Variants in NLRP2 observed in about 807,000 individuals in gnomAD.
NLRP2 encodes NACHT, LRR and PYD domains-containing protein 2.
A neutral mutation model predicts 97.2 loss-of-function variants in NLRP2; 107 were observed. The ratio of observed to expected loss-of-function variants is 1.10; its 90% CI spans 0.94 to 1.29. NLRP2 has a LOEUF of 1.29. Among genes scored for constraint, NLRP2 ranks in the 50% most tolerant of loss-of-function variants. The pLI is 0.00. For missense variants in NLRP2, 1,495 were observed against 1,330.3 expected (o/e 1.12, Z -1.93); for synonymous variants, 663 against 551.5 (o/e 1.20, Z -2.83).
Position 54,983,347 on chromosome 19 carries a change from T to C in NLRP2, c.1649T>C (p.Leu550Pro). 1.2e-6 allele frequency: 2 copies of C among 1,614,190 alleles called. No homozygotes were observed. The highest frequency in any genetic ancestry group is 1.7e-6 in the Non-Finnish European group (2 of 1,180,022). Residue 550 changes from leucine to proline, a missense_variant, in exon 6 of 13, where the codon CTG (leucine) becomes CCG (proline). Physicochemically the swap from Leu to Pro is moderately conservative, Grantham distance 98. Coordinates refer to ENST00000448584, the MANE Select transcript of NLRP2 (RefSeq NM_017852.5). ...GTAGAAAGACTCAGGAACCCCGACC[T>C]GATCCAAGCAGGCTACTACTCCTTT... is the stretch of plus-strand genomic sequence containing the variant. ...SGVERLRNPD[L>P]IQAGYYSFGL...
At chr19:54,987,267 C>G (rs1365272489) in intron 8 of NLRP2, among the ~76,000 whole-genome samples, 1 of 151,964 alleles carries the variant, frequency 6.6e-6, no homozygotes, top group East Asian at 1.9e-4. Context: ...ATTCAGAATA[C>G]CAGCTATTGA....
Position 54,983,364 on chromosome 19 carries a change from T to G in NLRP2, c.1666T>G (p.Tyr556Asp). 6.2e-7 allele frequency: 1 copy of G among 1,614,222 alleles called. No homozygotes were observed. Among genetic ancestry groups the G allele is most frequent in the Non-Finnish European group, 8.5e-7 (1 of 1,180,040 alleles). ...CCCCGACCTGATCCAAGCAGGCTAC[T>G]ACTCCTTTGGCCTCGCTAACGAGAA... is the stretch of plus-strand genomic sequence containing the variant. ...RNPDLIQAGY[Y>D]SFGLANEKRA... The change falls in exon 6 of 13, where the codon TAC becomes GAC. Residue 556 changes from tyrosine (Y) to aspartate (D), a missense_variant. Physicochemically the swap from Tyr to Asp is radical, Grantham distance 160. Coordinates refer to ENST00000448584, the MANE Select transcript of NLRP2 (RefSeq NM_017852.5).
chr19:54,995,415 C>A (rs111683846), intron 11 of NLRP2, among the ~76,000 whole-genome samples: 1 of 151,570 alleles, frequency 6.6e-6, no homozygotes, highest in Non-Finnish European at 1.5e-5. Context: ...TGGTCTCGAC[C>A]TCCGGACCTC....
chr19:54,974,162 T>A, intron 2 of NLRP2: 1 of 606,740 alleles, frequency 1.6e-6, no homozygotes, highest in Non-Finnish European at 3.0e-6. Context: ...GAGACCAGCC[T>A]GGCCAAAATG....
chr19:54,974,220 G>A, intron 2 of NLRP2: 1 of 583,454 alleles, frequency 1.7e-6, no homozygotes, highest in Non-Finnish European at 3.1e-6. Context: ...TGGGCATGGT[G>A]GTGTATGCCT....
intron 10 of NLRP2, 167 bp downstream of exon 10, chr19:54,990,839 A>T (rs2072428524): frequency 1.4e-6 from 1 of 715,696 alleles, no homozygotes. Context: ...AAAAAAGTAT[A>T]AGTAGTAGTA....
chr19:54,999,240 C>T (rs1190039526), intron 12 of NLRP2, among the ~76,000 whole-genome samples: 3 of 152,198 alleles, frequency 2.0e-5, no homozygotes, highest in African/African-American at 2.4e-5. Context: ...CTCCGCCTCC[C>T]GGGTTCAAGA....
At chr19:54,985,586 G>A (rs1384664810) in intron 7 of NLRP2, among the ~76,000 whole-genome samples, 1 of 147,606 alleles carries the variant, frequency 6.8e-6, no homozygotes, top group East Asian at 2.0e-4. Flanking sequence ...GCTGAGGCAG[G>A]AGAATTACTT....
At chr19:54,995,030 T>G (rs1020588421) in intron 11 of NLRP2, among the ~76,000 whole-genome samples, 1 of 149,938 alleles carries the variant, frequency 6.7e-6, no homozygotes, top group African/African-American at 2.4e-5. Flanking sequence ...AGGTGGGAAT[T>G]GGGCCAGGCA....
intron 9 of NLRP2, 55 bp from the exon 10 acceptor site, chr19:54,990,447 G>A (rs753566543): frequency 7.0e-6 from 11 of 1,575,742 alleles, no homozygotes; most frequent in East Asian, 2.2e-5. Flanking sequence ...GGAGCTAGCC[G>A]GGAAGGTTGA....
At chr19:54,991,951 G>GTTTTTTT in intron 10 of NLRP2, among the ~76,000 whole-genome samples, 1 of 137,456 alleles carries the variant, frequency 7.3e-6, no homozygotes. Flanking sequence ...TTAAGATGGA[G>GTTTTTTT]TTTTACTCTT....
intron 1 of NLRP2, among the ~76,000 whole-genome samples, chr19:54,968,761 T>C (rs868745175): frequency 7.0e-6 from 1 of 142,940 alleles, no homozygotes; most frequent in African/African-American, 2.6e-5. Context: ...AGTGGCGCCA[T>C]GTCAGCTCAC....
At chr19:54,973,878 A>T in intron 2 of NLRP2, 1 of 660,500 alleles carries the variant, frequency 1.5e-6, no homozygotes, top group Non-Finnish European at 2.9e-6. Context: ...CACCACCCCC[A>T]CAAAGTGACA....
In NLRP2 at chr19:54,972,248, C is replaced by G. The variant is rs142479483; in HGVS notation, c.280+1953C>G. Among the ~76,000 whole-genome samples the G allele has an allele frequency of 5.8e-3, 879 of 152,104 alleles. 4 individuals carry two copies. The highest frequency in any genetic ancestry group is 6.3e-3 in the Non-Finnish European group (431 of 68,006). The stretch of plus-strand genomic sequence containing the variant: ...CCAGGATGGAGTGCAGCAGCACAAT[C>G]TCAGCTTATTGCAACTCCCGCCCCC... On this transcript the variant is annotated intron_variant, in intron 2 of 12. Transcript: ENST00000448584.
At chr19:54,996,348 A>C (rs908558659) in intron 11 of NLRP2, among the ~76,000 whole-genome samples, 1 of 151,996 alleles carries the variant, frequency 6.6e-6, no homozygotes, top group Non-Finnish European at 1.5e-5. Flanking sequence ...CTGTCTCTCT[A>C]AAACCACAAA....
Position 54,990,657 on chromosome 19 carries a change from A to G in NLRP2, c.2693A>G (p.Lys898Arg), listed in dbSNP as rs759308744. The G allele has an allele frequency of 5.0e-6, 8 of 1,614,076 alleles. No individual in the cohort carries two copies. Among genetic ancestry groups the G allele is most frequent in the Non-Finnish European group, 5.9e-6 (7 of 1,180,024 alleles). Reference sequence around the variant, plus strand: ...GAGGGCTTGAGGTACCCCGAGTGTAAACTGCAGACCTTGGTGTAAGTCCGT... The same window carrying G: ...GAGGGCTTGAGGTACCCCGAGTGTAGACTGCAGACCTTGGTGTAAGTCCGT... The part of the protein sequence containing the change: ...LCEGLRYPEC[K>R]LQTLVLWNCD... Residue 898 changes from lysine to arginine, a missense_variant, in exon 10 of 13, where the codon AAA becomes AGA. By Grantham distance (26) the Lys-to-Arg change is conservative. Coordinates refer to ENST00000448584, the MANE Select transcript of NLRP2 (RefSeq NM_017852.5).
In NLRP2 at chr19:54,994,284, C is replaced by T. The variant is rs755434049; in HGVS notation, c.2724C>T (p.Asp908=). The stretch of plus-strand genomic sequence containing the variant: ...TGATTTCTAGGCTTTGGAACTGCGA[C>T]ATAACTAGCGATGGCTGCTGCGATC... ...KLQTLVLWNC[D]ITSDGCCDLT... Residue 908 remains aspartate (D), a synonymous_variant, in exon 11 of 13, where the codon GAC becomes GAT. Coordinates refer to ENST00000448584, the MANE Select transcript of NLRP2 (RefSeq NM_017852.5). 1 of 1,614,138 alleles carries T rather than the reference C, an allele frequency of 6.2e-7. No homozygotes were observed. Among genetic ancestry groups the T allele is most frequent in the East Asian group, 2.2e-5 (1 of 44,880 alleles).
chr19:54,970,945 A>T (rs1161175409), intron 2 of NLRP2, among the ~76,000 whole-genome samples: 2 of 134,186 alleles, frequency 1.5e-5, no homozygotes, highest in African/African-American at 5.5e-5. Flanking sequence ...AGCATTAGGT[A>T]TATCTCCCAA....
At chr19:54,977,607 C>A (rs964065029) in intron 3 of NLRP2, 145 bp from the exon 4 acceptor site, 6 of 794,668 alleles carry the variant, frequency 7.6e-6, no homozygotes, top group South Asian at 6.9e-5. Flanking sequence ...AATGTACTTT[C>A]ACTTTTACAT....
Sources: allele counts gnomAD v4.1 joint callset (sites outside exome capture counted in the v4.1 genomes callset), GRCh38; gene constraint gnomAD v4.1.1; transcripts MANE v1.5; gene names NCBI Gene and HGNC (gene_info 2026-07-23, HGNC 2026-07-21).